EGFLAM: variants seen among roughly 807,000 people sequenced by gnomAD.
The protein encoded by EGFLAM is EGF like, fibronectin type III and laminin G domains, also known as pikachurin.
Under a neutral mutation model 113.1 loss-of-function variants are expected in EGFLAM, and 79 were observed. That is an observed-to-expected ratio of 0.70 (90% confidence interval 0.58 to 0.84). The LOEUF (loss-of-function observed/expected upper bound fraction) is 0.84. Among genes scored for constraint, EGFLAM ranks in the 40% least tolerant of loss-of-function variants. EGFLAM has a pLI of 0.00. For synonymous variants in EGFLAM, 504 were observed against 487.6 expected (o/e 1.03, Z -0.44); for missense variants, 1,265 against 1,291.6 (o/e 0.98, Z 0.32).
intron 5 of EGFLAM, among the ~76,000 whole-genome samples, 167 bp downstream of exon 5, chr5:38,352,498 T>C (rs575238084): frequency 3.8e-4 from 58 of 151,888 alleles, no homozygotes; most frequent in African/African-American, 1.4e-3. Context: ...AATACAAAAA[T>C]TAGCTGGGCG....
chr5:38,354,304 A>G (rs192658650), intron 5 of EGFLAM, among the ~76,000 whole-genome samples: 1 of 152,324 alleles, frequency 6.6e-6, no homozygotes, highest in Non-Finnish European at 1.5e-5. Flanking sequence ...AATGTGCTAC[A>G]CTGAAAATCC....
intron 16 of EGFLAM, 113 bp downstream of exon 16, chr5:38,435,366 T>A: frequency 1.2e-6 from 1 of 814,804 alleles, no homozygotes; most frequent in Non-Finnish European, 2.0e-6. Flanking sequence ...TGAGAAAGTT[T>A]TAACATTTTT....
At chr5:38,448,244 G>GTA (rs1742786255) in intron 17 of EGFLAM, 57 bp from the exon 18 acceptor site, 1 of 1,573,574 alleles carries the variant, frequency 6.4e-7, no homozygotes, top group South Asian at 1.1e-5. Context: ...ATGTGTGTGA[G>GTA]TGCAGGGGTC....
intron 1 of EGFLAM, among the ~76,000 whole-genome samples, chr5:38,293,222 G>A (rs1417542340): frequency 6.6e-6 from 1 of 152,198 alleles, no homozygotes; most frequent in East Asian, 1.9e-4. Flanking sequence ...AAAGAACATA[G>A]GATTTGAATC....
intron 14 of EGFLAM, chr5:38,430,165 A>G (rs1177877666): frequency 1.0e-5 from 2 of 200,796 alleles, no homozygotes; most frequent in Non-Finnish European, 2.1e-5. Flanking sequence ...TGCCCTTTTC[A>G]ACAGCAACCA....
At chr5:38,387,662 G>A (rs1218828611) in intron 6 of EGFLAM, among the ~76,000 whole-genome samples, 1 of 152,250 alleles carries the variant, frequency 6.6e-6, no homozygotes, top group Non-Finnish European at 1.5e-5. Context: ...ATGCTTGGAA[G>A]CCCTGAGCTG....
intron 1 of EGFLAM, among the ~76,000 whole-genome samples, chr5:38,271,410 A>G (rs998175715): frequency 3.9e-5 from 6 of 152,162 alleles, no homozygotes; most frequent in Non-Finnish European, 8.8e-5. Context: ...GTTGCATTTA[A>G]TATTCTTTTC....
At chr5:38,338,461 C>T (rs1232544844) in intron 2 of EGFLAM, among the ~76,000 whole-genome samples, 1 of 152,184 alleles carries the variant, frequency 6.6e-6, no homozygotes. Flanking sequence ...GAGCCATGTG[C>T]AGACCTCTGC....
At chr5:38,411,415 G>A (rs1443432098) in intron 10 of EGFLAM, among the ~76,000 whole-genome samples, 2 of 151,836 alleles carry the variant, frequency 1.3e-5, no homozygotes, top group East Asian at 1.9e-4. Flanking sequence ...GCAACAGAGC[G>A]AGACTCTTTC....
In EGFLAM at chr5:38,258,621, C is replaced by T. The variant is rs1478988599; in HGVS notation, c.-134C>T. The T allele has an allele frequency of 3.0e-6, 3 of 1,010,944 alleles. No homozygotes were observed. Among genetic ancestry groups the T allele is most frequent in the Non-Finnish European group, 1.5e-6 (1 of 664,474 alleles). The allele number at this position is 1,010,944 out of a possible 1,614,324, so 62.6% of individuals were successfully genotyped here. On this transcript the variant is annotated 5_prime_UTR_variant, in exon 1 of 22. Transcript: ENST00000322350. ...CTTGGAACTACCCGTGTTTCCGGGC[C>T]CAGCCCTCGCAGCCCCCCACCTCCT...
intron 1 of EGFLAM, among the ~76,000 whole-genome samples, chr5:38,307,917 G>A (rs1758764852): frequency 6.6e-6 from 1 of 152,180 alleles, no homozygotes; most frequent in South Asian, 2.1e-4. Context: ...GGCTTTCTTG[G>A]CTTTGACTGC....
At chr5:38,373,930 A>C (rs1475345048) in intron 6 of EGFLAM, among the ~76,000 whole-genome samples, 1 of 152,106 alleles carries the variant, frequency 6.6e-6, no homozygotes, top group Non-Finnish European at 1.5e-5. Flanking sequence ...TCTGGTAGCA[A>C]AGTTGGCATC....
intron 6 of EGFLAM, among the ~76,000 whole-genome samples, chr5:38,374,005 G>A (rs114024788): frequency 0.014 from 2,058 of 152,288 alleles, 51 homozygotes; most frequent in African/African-American, 0.045. Context: ...TAAGCCCAGC[G>A]TGTAGAAATA....
At chr5:38,363,242 G>A (rs929659725) in intron 5 of EGFLAM, among the ~76,000 whole-genome samples, 2 of 152,086 alleles carry the variant, frequency 1.3e-5, no homozygotes, top group Non-Finnish European at 2.9e-5. Context: ...TGAGCATGAG[G>A]TTTCCTCTCA....
At chr5:38,369,110 A>G (rs2112031608) in intron 5 of EGFLAM, among the ~76,000 whole-genome samples, 1 of 152,234 alleles carries the variant, frequency 6.6e-6, no homozygotes, top group Middle Eastern at 3.4e-3. Context: ...TCCAGCTAGG[A>G]TGTCCACATA....
intron 6 of EGFLAM, among the ~76,000 whole-genome samples, chr5:38,376,933 G>C (rs905414358): frequency 1.3e-5 from 2 of 152,170 alleles, no homozygotes; most frequent in Non-Finnish European, 2.9e-5. Flanking sequence ...GGCTCCCAAA[G>C]TGCTGGGATT....
At chr5:38,307,745 A>C (rs1329723477) in intron 1 of EGFLAM, among the ~76,000 whole-genome samples, 1 of 152,194 alleles carries the variant, frequency 6.6e-6, no homozygotes, top group Non-Finnish European at 1.5e-5. Context: ...TTCTCTTTGC[A>C]TGTCAGTCCA....
At chr5:38,329,980 C>T (rs929965155) in intron 1 of EGFLAM, among the ~76,000 whole-genome samples, 2 of 152,084 alleles carry the variant, frequency 1.3e-5, no homozygotes, top group African/African-American at 2.4e-5. Context: ...TCATACCTAA[C>T]CAGGTCCCAG....
intron 1 of EGFLAM, among the ~76,000 whole-genome samples, chr5:38,313,876 T>C (rs571817051): frequency 6.6e-6 from 1 of 152,344 alleles, no homozygotes; most frequent in East Asian, 1.9e-4. Flanking sequence ...TTGTCGTATT[T>C]TGTATTCGTT....
Sources: gnomAD v4.1 joint callset for allele counts (sites outside exome capture counted in the v4.1 genomes callset) on GRCh38, gnomAD v4.1.1 for gene constraint, MANE v1.5 for transcripts, NCBI Gene and HGNC (gene_info 2026-07-23, HGNC 2026-07-21) for gene names.